Variants in CD1B observed in about 807,000 individuals in gnomAD.
CD1B encodes the protein CD1b molecule.
A neutral mutation model predicts 39.8 loss-of-function variants in CD1B; 43 were observed. That is an observed-to-expected ratio of 1.08 (90% CI 0.85 to 1.39). CD1B has a LOEUF of 1.39. Ranked by LOEUF, CD1B falls within the 40% of genes most tolerant of loss-of-function variation. The pLI, the probability that CD1B is intolerant of heterozygous loss-of-function variation, is 0.00. For synonymous variants in CD1B, 192 were observed against 152.5 expected (o/e 1.26, Z -1.91); for missense variants, 495 against 403.8 (o/e 1.23, Z -1.94).
At chr1:158,309,837 G>T in the CD1B span, among the ~76,000 whole-genome samples, 6 of 150,112 alleles carry the variant, frequency 4.0e-5, no homozygotes, top group South Asian at 6.4e-4. Flanking sequence ...GTTGTGGGGT[G>T]GGGGGAAGGG....
chr1:158,292,402 A>G, the CD1B span: 4 of 1,586,916 alleles, frequency 2.5e-6, no homozygotes, highest in Non-Finnish European at 3.4e-6. Context: ...AGATTTTTCT[A>G]TTCAAGTACT....
At chr1:158,318,924 G>A in the CD1B span, among the ~76,000 whole-genome samples, 2 of 152,084 alleles carry the variant, frequency 1.3e-5, no homozygotes, top group Admixed American at 6.6e-5. Context: ...CACTTATGAA[G>A]CTTAGTTTGG....
At chr1:158,289,669 T>C in the CD1B span, 2 of 161,012 alleles carry the variant, frequency 1.2e-5, no homozygotes, top group African/African-American at 4.8e-5. Context: ...TGTGATCTAT[T>C]AAAACAAGCA....
At chr1:158,321,148 A>G in the CD1B span, among the ~76,000 whole-genome samples, 1 of 152,202 alleles carries the variant, frequency 6.6e-6, no homozygotes, top group Non-Finnish European at 1.5e-5. Flanking sequence ...ATCTCCCTGT[A>G]GGCCTATTAG....
chr1:158,328,830 CA>C, intron 5 of CD1B, 90 bp downstream of exon 5: 1 of 934,422 alleles, frequency 1.1e-6, no homozygotes, highest in East Asian at 2.6e-5. Flanking sequence ...TGAGGATAAA[CA>C]ATTTTTAAAT....
chr1:158,308,091 G>T, the CD1B span, among the ~76,000 whole-genome samples: 12 of 152,138 alleles, frequency 7.9e-5, no homozygotes, highest in Non-Finnish European at 1.6e-4. Context: ...AAACCCCATC[G>T]TCTCAGCCCC....
chr1:158,297,702 G>A, the CD1B span, among the ~76,000 whole-genome samples: 8 of 152,246 alleles, frequency 5.3e-5, no homozygotes, highest in Admixed American at 2.6e-4. Flanking sequence ...TGAGGCTAAG[G>A]CAGGCCGATT....
chr1:158,316,133 C>T, the CD1B span, among the ~76,000 whole-genome samples: 7 of 152,022 alleles, frequency 4.6e-5, no homozygotes, highest in East Asian at 7.7e-4. Flanking sequence ...ATTGACTTGG[C>T]AATGCGGGCT....
chr1:158,296,108 G>T, the CD1B span, among the ~76,000 whole-genome samples: 1 of 151,910 alleles, frequency 6.6e-6, no homozygotes, highest in African/African-American at 2.4e-5. Flanking sequence ...CCCCACTGCT[G>T]CCAGTACATG....
chr1:158,304,506 C>T, the CD1B span, among the ~76,000 whole-genome samples: 1 of 152,186 alleles, frequency 6.6e-6, no homozygotes, highest in African/African-American at 2.4e-5. Flanking sequence ...GACTCCATGT[C>T]TGGGGGCAGG....
intron 2 of CD1B, 25 bp from the exon 3 acceptor site, chr1:158,330,155 G>C (rs1480224647): frequency 6.4e-7 from 1 of 1,559,898 alleles, no homozygotes; most frequent in Non-Finnish European, 8.6e-7. Context: ...AAGAGAGCAA[G>C]TTATTAAACA....
At chr1:158,297,584 C>T in the CD1B span, among the ~76,000 whole-genome samples, 1 of 152,182 alleles carries the variant, frequency 6.6e-6, no homozygotes, top group Admixed American at 6.5e-5. Context: ...CAACTTCTCA[C>T]TTATCAATAT....
the CD1B span, among the ~76,000 whole-genome samples, chr1:158,314,747 C>T: frequency 2.3e-3 from 343 of 151,694 alleles, 3 homozygotes; most frequent in African/African-American, 8.0e-3. Context: ...TGCTGGTGCG[C>T]GGCACCCACT....
chr1:158,286,806 C>T, the CD1B span, among the ~76,000 whole-genome samples: 1 of 152,150 alleles, frequency 6.6e-6, no homozygotes, highest in Non-Finnish European at 1.5e-5. Context: ...CTCTTCTAGG[C>T]ACCCTGAGGG....
At chr1:158,293,542 G>C in the CD1B span, 1 of 1,613,874 alleles carries the variant, frequency 6.2e-7, no homozygotes, top group Admixed American at 1.7e-5. Flanking sequence ...GTACAATATA[G>C]TGATGCCATC....
At chr1:158,304,120 C>T in the CD1B span, among the ~76,000 whole-genome samples, 48 of 152,134 alleles carry the variant, frequency 3.2e-4, no homozygotes, top group South Asian at 3.3e-3. Context: ...GTTCACCCAG[C>T]GAGAGCCAAA....
At chr1:158,318,710 T>C in the CD1B span, among the ~76,000 whole-genome samples, 4 of 152,166 alleles carry the variant, frequency 2.6e-5, no homozygotes, top group Admixed American at 6.5e-5. Flanking sequence ...GTCATTATGA[T>C]GTTAGGTGGT....
At chr1:158,331,155 A>C in intron 1 of CD1B, 93 bp from the exon 2 acceptor site, 1 of 1,338,178 alleles carries the variant, frequency 7.5e-7, no homozygotes, top group Non-Finnish European at 1.0e-6. Flanking sequence ...AGAAAACAAG[A>C]ACCTAGAGTC....
chr1:158,286,468 T>A, the CD1B span, among the ~76,000 whole-genome samples: 1 of 152,242 alleles, frequency 6.6e-6, no homozygotes, highest in East Asian at 1.9e-4. Flanking sequence ...GGAGTCTGGG[T>A]TATTTTTCAT....
Sources: gnomAD v4.1 joint callset for allele counts (sites outside exome capture counted in the v4.1 genomes callset) on GRCh38, gnomAD v4.1.1 for gene constraint, MANE v1.5 for transcripts, NCBI Gene and HGNC (gene_info 2026-07-23, HGNC 2026-07-21) for gene names.